The following CDH12 variants were observed in gnomAD, a reference collection of about 807,000 sequenced individuals.
The protein encoded by CDH12 is cadherin-12.
A neutral mutation model predicts 74.1 loss-of-function variants in CDH12; 41 were observed. That is an observed-to-expected ratio of 0.55 (90% CI 0.43 to 0.72). The LOEUF (loss-of-function observed/expected upper bound fraction) is 0.72, where lower values mean the gene tolerates loss of function less well. Among genes scored for constraint, CDH12 ranks in the 30% least tolerant of loss-of-function variants. CDH12 has a pLI of 0.00. For missense variants in CDH12, 945 were observed against 977.2 expected (o/e 0.97, Z 0.44); for synonymous variants, 399 against 355.0 (o/e 1.12, Z -1.39).
Position 22,755,213 on chromosome 5 carries a change from CTAATA to C in CDH12, c.-523+97840_-523+97844del, listed in dbSNP as rs1378708825. Among the ~76,000 whole-genome samples the C allele has an allele frequency of 3.3e-5, 5 of 152,198 alleles. No homozygotes were observed. In the South Asian group the frequency reaches 6.2e-4, roughly 19 times the overall value. On this transcript the variant is annotated intron_variant, in intron 1 of 14. Transcript: ENST00000382254. ...GTGACAAATCTGAAATCAAAGTATT[CTAATA>C]TAATTTTCTAATATCACTTTTTCAT...
chr5:21,783,645 G>C, intron 10 of CDH12, 151 bp from the exon 11 acceptor site: 1 of 617,086 alleles, frequency 1.6e-6, no homozygotes, highest in South Asian at 2.0e-5. Context: ...CTTCTTTATT[G>C]CAAAGTCAGT....
At chr5:22,098,260 T>G (rs1199521112) in intron 4 of CDH12, among the ~76,000 whole-genome samples, 3 of 152,166 alleles carry the variant, frequency 2.0e-5, no homozygotes, top group Non-Finnish European at 4.4e-5. Flanking sequence ...CCTCATCTGT[T>G]ACCTATCTCA....
rs534499195 is a variant in CDH12, at chr5:22,807,646, T to C, written c.-523+45412A>G. Among the ~76,000 whole-genome samples the C allele has an allele frequency of 2.6e-5, 4 of 152,338 alleles. No individual in the cohort carries two copies. The South Asian group carries it at 8.3e-4, about 32-fold the overall frequency. On this transcript the variant is annotated intron_variant, in intron 1 of 14. Coordinates refer to ENST00000382254, the MANE Select transcript of CDH12 (RefSeq NM_004061.5). Reference sequence around the variant, plus strand: ...GCTATGTGTTACAGCCTATTGCTCCTAGGCTACAAACCTGTACAGCATGTT... The same window carrying C: ...GCTATGTGTTACAGCCTATTGCTCCCAGGCTACAAACCTGTACAGCATGTT...
intron 1 of CDH12, among the ~76,000 whole-genome samples, chr5:22,672,967 T>G (rs190722361): frequency 1.9e-4 from 29 of 152,286 alleles, no homozygotes; most frequent in African/African-American, 7.0e-4. Flanking sequence ...CTCCTTACCT[T>G]TAATTTCTTA....
chr5:21,776,455 C>T (rs1429140845), intron 11 of CDH12, among the ~76,000 whole-genome samples: 5 of 152,164 alleles, frequency 3.3e-5, no homozygotes, highest in Non-Finnish European at 7.3e-5. Context: ...CACTCTTCCT[C>T]CCCAAGAATT....
chr5:22,147,181 A>G (rs1207316956), intron 4 of CDH12, among the ~76,000 whole-genome samples: 1 of 152,186 alleles, frequency 6.6e-6, no homozygotes, highest in African/African-American at 2.4e-5. Context: ...ACATTTTAGC[A>G]AAATTAATTT....
At chr5:21,945,968 T>A (rs1479671448) in intron 6 of CDH12, among the ~76,000 whole-genome samples, 1 of 148,014 alleles carries the variant, frequency 6.8e-6, no homozygotes, top group African/African-American at 2.6e-5. Context: ...CCCAAATACA[T>A]TCAATTTCTG....
intron 2 of CDH12, among the ~76,000 whole-genome samples, chr5:22,433,994 G>A (rs111384338): frequency 5.3e-5 from 8 of 152,178 alleles, no homozygotes; most frequent in Non-Finnish European, 5.9e-5. Context: ...TTTCTGAGTC[G>A]TTCTGATCAC....
At chr5:22,178,350 G>A (rs533904894) in intron 4 of CDH12, among the ~76,000 whole-genome samples, 57 of 152,088 alleles carry the variant, frequency 3.7e-4, no homozygotes, top group African/African-American at 1.3e-3. Flanking sequence ...TTATTGTGAT[G>A]GGGATATCAG....
rs543020218 is a variant in CDH12 at position 21,943,273 on chromosome 5, T to C, written c.526+31818A>G. ...TACAGAGAGTCTACACATTTCTTTA[T>C]ATAAGATATACTTGTTTTCTGTTTA... is the stretch of plus-strand genomic sequence containing the variant. On this transcript the variant is annotated intron_variant, in intron 6 of 14. Coordinates refer to ENST00000382254, the MANE Select transcript of CDH12 (RefSeq NM_004061.5). Among the ~76,000 whole-genome samples the C allele has an allele frequency of 5.9e-5, 9 of 152,316 alleles. No individual in the cohort carries two copies. The South Asian group carries it at 1.4e-3, about 25-fold the overall frequency.
chr5:22,760,785 T>C (rs1746184966), intron 1 of CDH12, among the ~76,000 whole-genome samples: 1 of 151,106 alleles, frequency 6.6e-6, no homozygotes, highest in Admixed American at 6.6e-5. Context: ...ATTTTCAAAA[T>C]GATATCTTAA....
chr5:22,067,578 A>G (rs1205143748), intron 5 of CDH12, among the ~76,000 whole-genome samples: 1 of 152,150 alleles, frequency 6.6e-6, no homozygotes, highest in Non-Finnish European at 1.5e-5. Context: ...TGTTTAGGCT[A>G]TACGATCCAG....
In CDH12 at chr5:22,647,478, C is replaced by T. The variant is rs553614255; in HGVS notation, c.-522-142114G>A. On this transcript the variant is annotated intron_variant, in intron 1 of 14. Coordinates refer to ENST00000382254, the MANE Select transcript of CDH12 (RefSeq NM_004061.5). ...TTCTGGAGGCTGGGAAGTTCAACAT[C>T]AAGTTGACAGTATGTTCTGTTTCTG... Among the ~76,000 whole-genome samples the T allele has an allele frequency of 2.0e-5, 3 of 151,764 alleles. No individual in the cohort carries two copies. In the South Asian group the frequency reaches 6.2e-4, roughly 31 times the overall value.
intron 6 of CDH12, among the ~76,000 whole-genome samples, chr5:21,869,348 A>G (rs1751497159): frequency 6.6e-6 from 1 of 152,194 alleles, no homozygotes. Context: ...AGAACCATGA[A>G]CAGCTGATGT....
intron 1 of CDH12, chr5:22,639,125 C>G (rs1280705146): frequency 7.0e-6 from 1 of 143,626 alleles, no homozygotes; most frequent in Non-Finnish European, 1.5e-5. Context: ...GCTAAATTGC[C>G]AGTGAACTGA....
intron 8 of CDH12, among the ~76,000 whole-genome samples, chr5:21,833,477 ATATAT>A (rs1455051637): frequency 4.6e-5 from 4 of 86,504 alleles, no homozygotes; most frequent in Non-Finnish European, 8.7e-5. Context: ...ATTATATATC[ATATAT>A]TATATATCAT....
intron 1 of CDH12, among the ~76,000 whole-genome samples, chr5:22,833,389 T>G (rs956377099): frequency 6.6e-5 from 10 of 152,176 alleles, no homozygotes; most frequent in Non-Finnish European, 1.3e-4. Flanking sequence ...ACCTGTTTTG[T>G]GAAATCACCA....
intron 4 of CDH12, among the ~76,000 whole-genome samples, chr5:22,165,644 TAA>T (rs1748641076): frequency 6.6e-6 from 1 of 152,118 alleles, no homozygotes; most frequent in Admixed American, 6.5e-5. Context: ...CTGGGTAAAA[TAA>T]GGCCAAGACC....
chr5:22,424,165 A>G (rs965036092), intron 2 of CDH12, among the ~76,000 whole-genome samples: 6 of 152,028 alleles, frequency 3.9e-5, no homozygotes, highest in Non-Finnish European at 8.8e-5. Context: ...TGTACAATTC[A>G]CCACAAATTC....
Sources: gnomAD v4.1 joint callset for allele counts (sites outside exome capture counted in the v4.1 genomes callset) on GRCh38, gnomAD v4.1.1 for gene constraint, MANE v1.5 for transcripts, NCBI Gene and HGNC (gene_info 2026-07-23, HGNC 2026-07-21) for gene names.